The following ANK3 variants were observed in gnomAD, a reference collection of about 807,000 sequenced individuals.
The protein encoded by ANK3 is ankyrin-3.
ANK3 carries 57 observed loss-of-function variants against 370.9 expected under a neutral mutation model. That is an observed-to-expected ratio of 0.15 (90% CI 0.12 to 0.19). The LOEUF (loss-of-function observed/expected upper bound fraction) is 0.19, where lower values mean the gene tolerates loss of function less well. ANK3 is among the 10% of genes least tolerant of loss of function. ANK3 has a pLI of 1.00. For synonymous variants in ANK3, 1,929 were observed against 1,946.3 expected, an observed-to-expected ratio of 0.99 and a Z score of 0.23; for missense variants, 4,439 against 5,302.1, an observed-to-expected ratio of 0.84 and a Z score of 5.06.
Position 60,069,715 on chromosome 10 carries a change from T to G in ANK3, c.11166A>C (p.Ile3722=). 1 of 1,613,814 alleles carries G rather than the reference T, an allele frequency of 6.2e-7. No homozygotes were observed. The highest frequency in any genetic ancestry group is 8.5e-7 in the Non-Finnish European group (1 of 1,179,928). ...SKVDPKLRTP[I]KMGISASTMT... ...TGGTGGATGCAGAAATTCCCATTTT[T>G]ATAGGCGTGCGCAACTTGGGGTCAA... Residue 3722 remains isoleucine, a synonymous_variant, in exon 37 of 44, where the codon ATA becomes ATC. Coordinates refer to ENST00000280772, the MANE Select transcript of ANK3 (RefSeq NM_020987.5).
At chr10:60,224,000 A>G (rs950709279) in intron 8 of ANK3, among the ~76,000 whole-genome samples, 4 of 151,938 alleles carry the variant, frequency 2.6e-5, no homozygotes, top group Non-Finnish European at 4.4e-5. Context: ...CTAGAAATGT[A>G]TAATTAATGA....
intron 16 of ANK3, among the ~76,000 whole-genome samples, chr10:60,190,813 C>T (rs921925962): frequency 3.9e-5 from 6 of 152,170 alleles, no homozygotes; most frequent in African/African-American, 1.4e-4. Flanking sequence ...TTGGAGGCAT[C>T]ATATCACCTA....
chr10:60,694,491 C>T (rs1262105377), intron 1 of ANK3, among the ~76,000 whole-genome samples: 1 of 152,014 alleles, frequency 6.6e-6, no homozygotes, highest in African/African-American at 2.4e-5. Flanking sequence ...TAAGGGCAGC[C>T]AGAGAGAAAG....
At chr10:60,294,740 G>C (rs2042150168) in intron 1 of ANK3, among the ~76,000 whole-genome samples, 1 of 152,164 alleles carries the variant, frequency 6.6e-6, no homozygotes, top group East Asian at 1.9e-4. Context: ...TAGATAGATA[G>C]ACTGATTTGG....
intron 40 of ANK3, chr10:60,061,928 T>C (rs1344475998): frequency 6.6e-6 from 1 of 152,148 alleles, no homozygotes; most frequent in African/African-American, 2.4e-5. Context: ...ATATCCTTAG[T>C]TCTTATTCCT....
intron 2 of ANK3, among the ~76,000 whole-genome samples, chr10:60,593,822 A>T (rs2077950120): frequency 6.6e-6 from 1 of 152,196 alleles, no homozygotes; most frequent in South Asian, 2.1e-4. Flanking sequence ...AAAAGCTACA[A>T]ACAGGAAAAT....
At chr10:60,525,434 G>C (rs1018457350) in intron 2 of ANK3, among the ~76,000 whole-genome samples, 1 of 152,082 alleles carries the variant, frequency 6.6e-6, no homozygotes, top group Non-Finnish European at 1.5e-5. Flanking sequence ...AAATTTAGAA[G>C]AGTTGAAGGA....
intron 42 of ANK3, chr10:60,043,239 C>T: frequency 2.0e-6 from 2 of 985,756 alleles, no homozygotes; most frequent in Non-Finnish European, 2.4e-6. Context: ...TTTGCATAAA[C>T]AAATCCTCTC....
chr10:60,301,188 ATGTG>A (rs896484616), intron 1 of ANK3, among the ~76,000 whole-genome samples: 1 of 147,530 alleles, frequency 6.8e-6, no homozygotes, highest in East Asian at 2.0e-4. Context: ...TATATAATCT[ATGTG>A]TGTGTATATA....
chr10:60,688,313 G>C (rs143014715), intron 1 of ANK3, among the ~76,000 whole-genome samples: 1 of 151,976 alleles, frequency 6.6e-6, no homozygotes, highest in East Asian at 1.9e-4. Flanking sequence ...TGATCCACCC[G>C]CCTCAGCCTC....
intron 2 of ANK3, among the ~76,000 whole-genome samples, chr10:60,487,719 C>CTTTTTT (rs2075385055): frequency 4.1e-5 from 4 of 96,534 alleles, no homozygotes; most frequent in Non-Finnish European, 4.8e-5. Context: ...GATGATGTTG[C>CTTTTTT]ATTTTTTTTT....
intron 1 of ANK3, among the ~76,000 whole-genome samples, chr10:60,352,919 C>T (rs1448721960): frequency 1.3e-5 from 2 of 151,674 alleles, no homozygotes; most frequent in Admixed American, 6.6e-5. Context: ...AAAAAAGAGG[C>T]AAAAAGGGAT....
chr10:60,520,215 C>T (rs1458371509), intron 2 of ANK3, among the ~76,000 whole-genome samples: 4 of 151,892 alleles, frequency 2.6e-5, no homozygotes, highest in African/African-American at 9.7e-5. Context: ...CTCATAAGTG[C>T]GAGCTAAACA....
intron 4 of ANK3, among the ~76,000 whole-genome samples, chr10:60,276,653 T>C (rs1220906222): frequency 6.6e-6 from 1 of 152,222 alleles, no homozygotes; most frequent in South Asian, 2.1e-4. Context: ...AATTAGGATT[T>C]TATTTCAACT....
intron 2 of ANK3, among the ~76,000 whole-genome samples, chr10:60,414,600 A>G (rs1380212238): frequency 6.6e-6 from 1 of 152,176 alleles, no homozygotes; most frequent in Non-Finnish European, 1.5e-5. Flanking sequence ...AGGAACAGGT[A>G]TTGGAAGGAG....
intron 25 of ANK3, among the ~76,000 whole-genome samples, chr10:60,115,910 G>A (rs1490446849): frequency 6.6e-6 from 1 of 152,118 alleles, no homozygotes; most frequent in East Asian, 1.9e-4. Context: ...GTGATAAAAG[G>A]TATTAGCCCA....
chr10:60,482,773 C>T (rs2075258264), intron 2 of ANK3, among the ~76,000 whole-genome samples: 1 of 152,156 alleles, frequency 6.6e-6, no homozygotes, highest in African/African-American at 2.4e-5. Flanking sequence ...AGGTGTGAGC[C>T]ACTGCACTCA....
At chr10:60,370,901 A>G (rs1259373920) in intron 1 of ANK3, among the ~76,000 whole-genome samples, 2 of 152,188 alleles carry the variant, frequency 1.3e-5, no homozygotes, top group Non-Finnish European at 2.9e-5. Context: ...TGAAAGTAAT[A>G]GGGGAAATCG....
chr10:60,527,342 C>T (rs2076497221), intron 2 of ANK3, among the ~76,000 whole-genome samples: 1 of 152,086 alleles, frequency 6.6e-6, no homozygotes, highest in Non-Finnish European at 1.5e-5. Flanking sequence ...TCAATGTACA[C>T]TATGTAACCA....
Sources: gnomAD v4.1 joint callset for allele counts (sites outside exome capture counted in the v4.1 genomes callset) on GRCh38, gnomAD v4.1.1 for gene constraint, MANE v1.5 for transcripts, NCBI Gene and HGNC (gene_info 2026-07-23, HGNC 2026-07-21) for gene names.